LRRC7: variants seen among roughly 807,000 people sequenced by gnomAD.
The protein encoded by LRRC7 is leucine rich repeat containing 7.
Under a neutral mutation model 175.7 loss-of-function variants are expected in LRRC7, and 23 were observed. The ratio of observed to expected loss-of-function variants is 0.13; its 90% CI spans 0.09 to 0.19. LRRC7 has a LOEUF of 0.19. Among genes scored for constraint, LRRC7 ranks in the 10% least tolerant of loss-of-function variants. LRRC7 has a pLI of 1.00. For synonymous variants in LRRC7, 685 were observed against 680.9 expected, an observed-to-expected ratio of 1.01 and a Z score of -0.09; for missense variants, 1,354 against 1,904.7, an observed-to-expected ratio of 0.71 and a Z score of 5.38.
chr1:69,684,316 A>G (rs1007452403), intron 2 of LRRC7, among the ~76,000 whole-genome samples: 1 of 152,194 alleles, frequency 6.6e-6, no homozygotes, highest in African/African-American at 2.4e-5. Context: ...CTTAATTTCA[A>G]AAATAAAAAT....
At chr1:69,702,472 C>A (rs548796761) in intron 2 of LRRC7, among the ~76,000 whole-genome samples, 34 of 152,134 alleles carry the variant, frequency 2.2e-4, no homozygotes, top group African/African-American at 8.0e-4. Flanking sequence ...GCATCATTGA[C>A]CGCAAAATGA....
intron 26 of LRRC7, among the ~76,000 whole-genome samples, chr1:70,120,234 C>T (rs1558085245): frequency 1.3e-5 from 2 of 152,072 alleles, no homozygotes; most frequent in Non-Finnish European, 2.9e-5. Flanking sequence ...ACTACTGTTT[C>T]CTGACACTGA....
chr1:69,604,592 C>G (rs992354767), intron 1 of LRRC7, among the ~76,000 whole-genome samples: 8 of 152,126 alleles, frequency 5.3e-5, no homozygotes, highest in African/African-American at 1.9e-4. Context: ...GAGAGTAACA[C>G]ACATGATAGA....
intron 8 of LRRC7, among the ~76,000 whole-genome samples, chr1:69,962,029 A>G (rs1451793642): frequency 2.0e-5 from 3 of 152,198 alleles, no homozygotes; most frequent in Non-Finnish European, 4.4e-5. Flanking sequence ...CAGCAAAAGA[A>G]ACTATCAACA....
chr1:69,646,812 C>T (rs576327463), intron 1 of LRRC7, among the ~76,000 whole-genome samples: 1 of 152,230 alleles, frequency 6.6e-6, no homozygotes, highest in South Asian at 2.1e-4. Flanking sequence ...AATGATTTGA[C>T]ACCAACACAG....
intron 2 of LRRC7, among the ~76,000 whole-genome samples, chr1:69,682,891 A>G (rs1454838369): frequency 6.6e-6 from 1 of 152,162 alleles, no homozygotes; most frequent in Non-Finnish European, 1.5e-5. Context: ...AGAATTTTGG[A>G]AGACAGTTTG....
chr1:70,093,542 G>A (rs777490058), intron 25 of LRRC7, among the ~76,000 whole-genome samples: 7 of 152,066 alleles, frequency 4.6e-5, no homozygotes, highest in Non-Finnish European at 8.8e-5. Flanking sequence ...TAGCAGAAGA[G>A]CCACATGACA....
chr1:69,783,508 G>C (rs1674021214), intron 3 of LRRC7, among the ~76,000 whole-genome samples: 1 of 152,108 alleles, frequency 6.6e-6, no homozygotes, highest in Non-Finnish European at 1.5e-5. Flanking sequence ...TGTAATCCCA[G>C]CACTTTGGGA....
intron 7 of LRRC7, chr1:69,919,464 G>A: frequency 2.0e-6 from 2 of 994,806 alleles, no homozygotes; most frequent in Non-Finnish European, 1.5e-6. Flanking sequence ...AGTGGGAGCG[G>A]CCCAGCGGGA....
intron 2 of LRRC7, among the ~76,000 whole-genome samples, chr1:69,713,225 C>A (rs1443330455): frequency 1.3e-5 from 2 of 152,090 alleles, no homozygotes; most frequent in Admixed American, 1.3e-4. Flanking sequence ...GTGGTTCATA[C>A]CTGTAATCCC....
At chr1:69,818,126 T>C (rs1489162145) in intron 4 of LRRC7, among the ~76,000 whole-genome samples, 2 of 152,136 alleles carry the variant, frequency 1.3e-5, no homozygotes, top group African/African-American at 4.8e-5. Context: ...CCTAACCCTC[T>C]GGTTAAAACT....
chr1:69,923,073 T>G (rs1389487072), intron 7 of LRRC7, among the ~76,000 whole-genome samples: 1 of 152,076 alleles, frequency 6.6e-6, no homozygotes, highest in Non-Finnish European at 1.5e-5. Flanking sequence ...CGGTGTTTGG[T>G]TTTTTGTCCT....
At chr1:69,733,806 G>A (rs539432690) in intron 2 of LRRC7, among the ~76,000 whole-genome samples, 2 of 152,104 alleles carry the variant, frequency 1.3e-5, no homozygotes, top group East Asian at 1.9e-4. Flanking sequence ...TTGGCTCTCT[G>A]CATCAGATAA....
chr1:69,959,797 T>G (rs1392270352), intron 8 of LRRC7, among the ~76,000 whole-genome samples: 1 of 151,966 alleles, frequency 6.6e-6, no homozygotes, highest in Non-Finnish European at 1.5e-5. Flanking sequence ...AAAACAACAT[T>G]TGTGTATGTT....
At chr1:69,989,289 GAC>G (rs1654215928) in intron 10 of LRRC7, among the ~76,000 whole-genome samples, 1 of 152,144 alleles carries the variant, frequency 6.6e-6, no homozygotes, top group Non-Finnish European at 1.5e-5. Context: ...TATTTAAATT[GAC>G]AGATATGTTA....
chr1:69,581,877 T>A (rs933595188), intron 1 of LRRC7, among the ~76,000 whole-genome samples: 15 of 152,156 alleles, frequency 9.9e-5, no homozygotes, highest in Non-Finnish European at 1.8e-4. Flanking sequence ...CCTTTTATAC[T>A]TGGATTCCTA....
chr1:69,829,847 A>G (rs1680333400), intron 5 of LRRC7, among the ~76,000 whole-genome samples: 1 of 151,766 alleles, frequency 6.6e-6, no homozygotes, highest in African/African-American at 2.4e-5. Flanking sequence ...CCAGCTTGCT[A>G]TGGAATATTT....
In LRRC7 at chr1:70,076,270, A is replaced by C. The variant is rs1378589765; in HGVS notation, c.4424A>C (p.Gln1475Pro). The change falls in exon 24 of 27, where the codon CAA becomes CCA. Residue 1475 changes from glutamine (Q) to proline (P), a missense_variant. Gln to Pro is a moderately conservative substitution (Grantham distance 76). Transcript: ENST00000651989. ...CGGTGCTTAATTCAAACTAAAGGGC[A>C]AAGGAGTATGGATGGATATCCAGAG... ...PGRCLIQTKG[Q>P]RSMDGYPEQF... 1.9e-6 allele frequency: 3 copies of C among 1,614,084 alleles called. No homozygotes were observed. The highest frequency in any genetic ancestry group is 1.7e-5 in the Admixed American group (1 of 59,998).
At chr1:69,635,474 C>T (rs1270367311) in intron 1 of LRRC7, among the ~76,000 whole-genome samples, 1 of 151,700 alleles carries the variant, frequency 6.6e-6, no homozygotes, top group Non-Finnish European at 1.5e-5. Context: ...TAGATAAGGT[C>T]AAAAAGCAAA....
Sources: gnomAD v4.1 joint callset for allele counts (sites outside exome capture counted in the v4.1 genomes callset) on GRCh38, gnomAD v4.1.1 for gene constraint, MANE v1.5 for transcripts, NCBI Gene and HGNC (gene_info 2026-07-23, HGNC 2026-07-21) for gene names.